Variants in CTNNA2 observed in about 807,000 individuals in gnomAD.
The protein encoded by CTNNA2 is catenin alpha 2.
Under a neutral mutation model 101.0 loss-of-function variants are expected in CTNNA2, and 42 were observed. That is an observed-to-expected ratio of 0.42 (90% CI 0.32 to 0.54). The LOEUF (loss-of-function observed/expected upper bound fraction) is 0.54, where lower values mean the gene tolerates loss of function less well. Ranked by LOEUF, CTNNA2 falls within the 20% of genes least tolerant of loss-of-function variation. CTNNA2 has a pLI of 0.14. For missense variants in CTNNA2, 871 were observed against 1,223.1 expected (o/e 0.71, Z 4.29); for synonymous variants, 450 against 456.4 (o/e 0.99, Z 0.18).
rs139925146 is a variant in CTNNA2, at chr2:79,602,122, T to C, written c.-5-49430T>C. 1.4e-4 allele frequency among the ~76,000 whole-genome samples: 22 copies of C among 152,308 alleles called. 1 individual carries two copies. The East Asian group carries it at 3.7e-3, about 25-fold the overall frequency. On this transcript the variant is annotated intron_variant, in intron 1 of 18. Transcript: ENST00000402739. The stretch of plus-strand genomic sequence containing the variant: ...TTTGCACCGTCTTAAAGTTGAAAGA[T>C]CGTAAGTTGAACCATCCTAAGCCAG...
At chr2:79,471,787 G>A (rs1001245495) in intron 4 of CTNNA2, among the ~76,000 whole-genome samples, 1 of 152,018 alleles carries the variant, frequency 6.6e-6, no homozygotes, top group African/African-American at 2.4e-5. Context: ...GCAGTGAGCT[G>A]AGATCACACC....
At position 79,865,177 on chromosome 2, in the gene CTNNA2, T is replaced by G. The variant is rs574461729; in HGVS notation, c.466-4639T>G. Among the ~76,000 whole-genome samples the G allele has an allele frequency of 5.3e-5, 8 of 152,332 alleles. No homozygotes were observed. The South Asian group carries it at 1.2e-3, about 24-fold the overall frequency. On this transcript the variant is annotated intron_variant, in intron 4 of 18. Transcript: ENST00000402739. ...TTTGCTTCTGATGAAATCATTTTTT[T>G]CTTCCCTTGTTGACAAGGAAAGACA...
At chr2:79,356,187 G>T (rs1677505602) in intron 3 of CTNNA2, among the ~76,000 whole-genome samples, 1 of 151,472 alleles carries the variant, frequency 6.6e-6, no homozygotes, top group African/African-American at 2.4e-5. Flanking sequence ...GTTTTAATTT[G>T]CATTTTTCTA....
intron 7 of CTNNA2, chr2:80,162,451 G>A (rs1436213135): frequency 9.5e-6 from 15 of 1,587,002 alleles, no homozygotes; most frequent in Non-Finnish European, 8.6e-6. Flanking sequence ...ACATGTGTTA[G>A]TGTCGAGATG....
intron 7 of CTNNA2, among the ~76,000 whole-genome samples, chr2:79,927,722 T>G (rs760310682): frequency 6.6e-6 from 1 of 152,220 alleles, no homozygotes; most frequent in Non-Finnish European, 1.5e-5. Context: ...ATAATGTTAC[T>G]CTGTAAATAT....
At chr2:79,955,145 A>G (rs1689137878) in intron 7 of CTNNA2, among the ~76,000 whole-genome samples, 1 of 152,218 alleles carries the variant, frequency 6.6e-6, no homozygotes, top group African/African-American at 2.4e-5. Context: ...ATCTGAAAGT[A>G]TGGAGCAGTA....
intron 5 of CTNNA2, among the ~76,000 whole-genome samples, chr2:79,872,175 TATTA>T (rs1682636278): frequency 1.3e-5 from 2 of 152,208 alleles, no homozygotes; most frequent in African/African-American, 4.8e-5. Flanking sequence ...TTATTCATGT[TATTA>T]ATTTTTGGAA....
intron 3 of CTNNA2, among the ~76,000 whole-genome samples, chr2:79,798,108 A>G (rs1268340976): frequency 6.6e-6 from 1 of 151,948 alleles, no homozygotes; most frequent in Non-Finnish European, 1.5e-5. Context: ...TCCCTGCCCC[A>G]TACTAGAACT....
intron 7 of CTNNA2, among the ~76,000 whole-genome samples, chr2:79,965,827 C>CAAAAAAAA (rs10686940): frequency 1.7e-3 from 134 of 77,942 alleles, no homozygotes; most frequent in African/African-American, 2.8e-3. Context: ...GAGACTATGT[C>CAAAAAAAA]AAAAAAAAAA....
chr2:80,483,751 A>G (rs1243368877), intron 9 of CTNNA2, among the ~76,000 whole-genome samples: 1 of 152,192 alleles, frequency 6.6e-6, no homozygotes, highest in Non-Finnish European at 1.5e-5. Context: ...ATTGGGATAA[A>G]TAGGAAATTC....
At chr2:79,772,408 T>C (rs560796434) in intron 3 of CTNNA2, among the ~76,000 whole-genome samples, 1 of 152,210 alleles carries the variant, frequency 6.6e-6, no homozygotes, top group Admixed American at 6.5e-5. Flanking sequence ...AAAAATACAG[T>C]ACCTTAGAGA....
intron 7 of CTNNA2, among the ~76,000 whole-genome samples, chr2:80,083,561 T>C (rs1699272255): frequency 6.6e-6 from 1 of 152,132 alleles, no homozygotes; most frequent in Non-Finnish European, 1.5e-5. Context: ...AATAAGGCAA[T>C]GTCAGAGAAA....
intron 2 of CTNNA2, among the ~76,000 whole-genome samples, chr2:79,682,130 C>T (rs1168705609): frequency 1.3e-5 from 2 of 151,944 alleles, no homozygotes; most frequent in African/African-American, 4.8e-5. Context: ...TGAATCTGGC[C>T]AGGCGCGGTG....
chr2:80,045,516 G>A (rs1431534398), intron 7 of CTNNA2, among the ~76,000 whole-genome samples: 1 of 152,112 alleles, frequency 6.6e-6, no homozygotes. Context: ...CAAGAATTTT[G>A]TCACACTAAA....
chr2:80,045,757 G>A (rs1337092772), intron 7 of CTNNA2, among the ~76,000 whole-genome samples: 3 of 152,022 alleles, frequency 2.0e-5, no homozygotes, highest in Non-Finnish European at 4.4e-5. Flanking sequence ...TGTACCATCA[G>A]GATCGAGGGC....
chr2:79,940,551 A>G (rs1479669754), intron 7 of CTNNA2, among the ~76,000 whole-genome samples: 1 of 152,208 alleles, frequency 6.6e-6, no homozygotes, highest in Admixed American at 6.5e-5. Context: ...CAGGCAGCAG[A>G]TGAAGGTTGC....
chr2:80,419,658 TG>T, intron 9 of CTNNA2, 57 bp downstream of exon 9: 4 of 1,540,544 alleles, frequency 2.6e-6, no homozygotes, highest in Non-Finnish European at 3.5e-6. Context: ...TCTCTGCATA[TG>T]GCTCTTAGAA....
chr2:79,736,234 C>A (rs1300160570), intron 2 of CTNNA2, among the ~76,000 whole-genome samples: 1 of 152,074 alleles, frequency 6.6e-6, no homozygotes, highest in Non-Finnish European at 1.5e-5. Context: ...CACAAGTATT[C>A]TGCTTTAGGA....
At chr2:79,362,647 C>A (rs1259961372) in intron 3 of CTNNA2, among the ~76,000 whole-genome samples, 1 of 152,122 alleles carries the variant, frequency 6.6e-6, no homozygotes, top group Non-Finnish European at 1.5e-5. Context: ...GGCATGACCA[C>A]GCAATGTAAA....
Sources: allele counts gnomAD v4.1 joint callset (sites outside exome capture counted in the v4.1 genomes callset), GRCh38; gene constraint gnomAD v4.1.1; transcripts MANE v1.5; gene names NCBI Gene and HGNC (gene_info 2026-07-23, HGNC 2026-07-21).